Variants in ATRNL1 observed in about 807,000 individuals in gnomAD.
ATRNL1 encodes the protein attractin like 1.
Under a neutral mutation model 182.7 loss-of-function variants are expected in ATRNL1, and 95 were observed. That is an observed-to-expected ratio of 0.52 (90% CI 0.44 to 0.62). The LOEUF (loss-of-function observed/expected upper bound fraction) is 0.62, where lower values mean the gene tolerates loss of function less well. Among genes scored for constraint, ATRNL1 ranks in the 20% least tolerant of loss-of-function variants. The pLI is 0.00. For synonymous variants in ATRNL1, 576 were observed against 568.3 expected (o/e 1.01, Z -0.19); for missense variants, 1,471 against 1,679.5 (o/e 0.88, Z 2.17).
chr10:115,383,908 C>G (rs1292639643), intron 19 of ATRNL1, among the ~76,000 whole-genome samples: 2 of 151,860 alleles, frequency 1.3e-5, no homozygotes, highest in Non-Finnish European at 2.9e-5. Flanking sequence ...GTTTTACTTT[C>G]TTTGATGCCC....
intron 20 of ATRNL1, among the ~76,000 whole-genome samples, chr10:115,415,211 A>T (rs1554960646): frequency 6.6e-6 from 1 of 152,030 alleles, no homozygotes; most frequent in Non-Finnish European, 1.5e-5. Flanking sequence ...ATATATTGCT[A>T]TGCATCTGAA....
At chr10:115,754,168 T>G (rs1470441087) in intron 27 of ATRNL1, among the ~76,000 whole-genome samples, 1 of 152,200 alleles carries the variant, frequency 6.6e-6, no homozygotes, top group Non-Finnish European at 1.5e-5. Context: ...CAGAAGCTCT[T>G]TAGTATAATT....
chr10:115,254,277 C>A (rs1554906154), intron 10 of ATRNL1, among the ~76,000 whole-genome samples: 3 of 152,188 alleles, frequency 2.0e-5, no homozygotes, highest in African/African-American at 7.2e-5. Context: ...TCCTATTTCT[C>A]CGCATCCTCT....
intron 27 of ATRNL1, among the ~76,000 whole-genome samples, chr10:115,733,979 T>C (rs1314656638): frequency 6.6e-6 from 1 of 152,164 alleles, no homozygotes; most frequent in African/African-American, 2.4e-5. Flanking sequence ...ATTGAGAGCA[T>C]ATTTTATAGT....
intron 7 of ATRNL1, among the ~76,000 whole-genome samples, 189 bp from the exon 8 acceptor site, chr10:115,170,847 CT>C (rs1481655915): frequency 6.6e-6 from 1 of 151,910 alleles, no homozygotes; most frequent in East Asian, 1.9e-4. Flanking sequence ...GTTTCCCCCC[CT>C]TTTTGTATAT....
chr10:115,484,812 A>T (rs1476108502), intron 24 of ATRNL1, among the ~76,000 whole-genome samples: 1 of 151,964 alleles, frequency 6.6e-6, no homozygotes, highest in African/African-American at 2.4e-5. Flanking sequence ...TGTTTGTTTT[A>T]GTGCTTTAAA....
At chr10:115,413,613 T>C (rs1554960302) in intron 20 of ATRNL1, among the ~76,000 whole-genome samples, 1 of 152,186 alleles carries the variant, frequency 6.6e-6, no homozygotes, top group African/African-American at 2.4e-5. Flanking sequence ...GTGCTCACAT[T>C]GTCCAAGATT....
chr10:115,647,388 A>G (rs1859698476), intron 26 of ATRNL1, among the ~76,000 whole-genome samples: 2 of 152,140 alleles, frequency 1.3e-5, no homozygotes, highest in South Asian at 2.1e-4. Context: ...GTCTTCCACA[A>G]TGGTTAAACT....
At chr10:115,291,229 G>A (rs1300761040) in intron 15 of ATRNL1, among the ~76,000 whole-genome samples, 1 of 152,120 alleles carries the variant, frequency 6.6e-6, no homozygotes, top group African/African-American at 2.4e-5. Flanking sequence ...GAGTCTTAAG[G>A]TTTTTCTCTG....
At chr10:115,791,869 T>A (rs1593222647) in intron 27 of ATRNL1, among the ~76,000 whole-genome samples, 1 of 152,144 alleles carries the variant, frequency 6.6e-6, no homozygotes, top group East Asian at 1.9e-4. Flanking sequence ...TTAATGAAAA[T>A]AGGTAATTTC....
chr10:115,867,292 G>C (rs549882868), intron 28 of ATRNL1, among the ~76,000 whole-genome samples: 30 of 152,200 alleles, frequency 2.0e-4, no homozygotes, highest in African/African-American at 7.2e-4. Flanking sequence ...AGAATTCCAT[G>C]CTGTCACTTG....
At chr10:115,566,820 C>T (rs572538306) in intron 26 of ATRNL1, among the ~76,000 whole-genome samples, 2 of 152,228 alleles carry the variant, frequency 1.3e-5, no homozygotes, top group South Asian at 4.1e-4. Flanking sequence ...GCAAGATACA[C>T]TAAGGTTAGT....
At chr10:115,210,108 C>T (rs1848963293) in intron 8 of ATRNL1, among the ~76,000 whole-genome samples, 1 of 151,970 alleles carries the variant, frequency 6.6e-6, no homozygotes, top group Non-Finnish European at 1.5e-5. Context: ...ATGCCGATTA[C>T]TGGTAGCTGA....
intron 28 of ATRNL1, among the ~76,000 whole-genome samples, chr10:115,892,154 C>T (rs1009789165): frequency 1.3e-5 from 2 of 151,936 alleles, no homozygotes; most frequent in Non-Finnish European, 2.9e-5. Flanking sequence ...CTTTTTTTCT[C>T]GCCTCAGAAA....
chr10:115,656,905 CT>C (rs1364958259), intron 26 of ATRNL1, among the ~76,000 whole-genome samples: 2 of 152,108 alleles, frequency 1.3e-5, no homozygotes, highest in African/African-American at 4.8e-5. Flanking sequence ...TTAATTACTC[CT>C]TCTTAAATAT....
intron 13 of ATRNL1, among the ~76,000 whole-genome samples, chr10:115,269,962 C>G (rs1177328753): frequency 2.0e-5 from 3 of 151,906 alleles, no homozygotes; most frequent in African/African-American, 2.4e-5. Context: ...TTCATACATA[C>G]TCTGTTGTTA....
chr10:115,861,841 C>T (rs957027052), intron 28 of ATRNL1, among the ~76,000 whole-genome samples: 2 of 152,070 alleles, frequency 1.3e-5, no homozygotes, highest in Non-Finnish European at 2.9e-5. Flanking sequence ...CAGTAGCTCA[C>T]ACCTGTAATC....
chr10:115,307,720 G>A (rs1032462096), intron 17 of ATRNL1, among the ~76,000 whole-genome samples: 12 of 151,990 alleles, frequency 7.9e-5, no homozygotes, highest in East Asian at 3.9e-4. Flanking sequence ...AATTTTTCCC[G>A]TGTTTTTAAC....
At chr10:115,358,479 A>AT (rs1185804426) in intron 19 of ATRNL1, among the ~76,000 whole-genome samples, 4 of 151,308 alleles carry the variant, frequency 2.6e-5, no homozygotes. Flanking sequence ...TCAATAATAC[A>AT]TTTTCCTTGT....
Sources: gnomAD v4.1 joint callset for allele counts (sites outside exome capture counted in the v4.1 genomes callset) on GRCh38, gnomAD v4.1.1 for gene constraint, MANE v1.5 for transcripts, NCBI Gene and HGNC (gene_info 2026-07-23, HGNC 2026-07-21) for gene names.